Variants in SCML4 observed in about 807,000 individuals in gnomAD.
SCML4 encodes the protein sex comb on midleg-like protein 4.
SCML4 carries 34 observed loss-of-function variants against 41.1 expected under a neutral mutation model. The ratio of observed to expected loss-of-function variants is 0.83; its 90% CI spans 0.63 to 1.10. The LOEUF (loss-of-function observed/expected upper bound fraction) is 1.10, where lower values mean the gene tolerates loss of function less well. Among genes scored for constraint, SCML4 ranks in the 50% least tolerant of loss-of-function variants. SCML4 has a pLI of 0.00. For missense variants in SCML4, 522 were observed against 534.1 expected (o/e 0.98, Z 0.22); for synonymous variants, 214 against 220.9 (o/e 0.97, Z 0.28).
At chr6:107,747,497 CA>C (rs1462084960) in intron 3 of SCML4, among the ~76,000 whole-genome samples, 1 of 151,868 alleles carries the variant, frequency 6.6e-6, no homozygotes, top group African/African-American at 2.4e-5. Flanking sequence ...GCACCTGTCC[CA>C]AACCATGTTT....
chr6:107,713,835 T>C (rs1269715872), intron 6 of SCML4, among the ~76,000 whole-genome samples: 1 of 152,192 alleles, frequency 6.6e-6, no homozygotes, highest in Non-Finnish European at 1.5e-5. Flanking sequence ...TCCCACTAGA[T>C]GCATCCTTTC....
chr6:107,706,967 C>T (rs1773698441), intron 7 of SCML4, among the ~76,000 whole-genome samples: 1 of 152,056 alleles, frequency 6.6e-6, no homozygotes, highest in African/African-American at 2.4e-5. Context: ...GCTCCTGATC[C>T]CCAGAGTGGT....
chr6:107,746,394 A>G (rs1778094834), intron 4 of SCML4: 2 of 389,288 alleles, frequency 5.1e-6, no homozygotes, highest in African/African-American at 2.1e-5. Context: ...AGGATTCTGG[A>G]TATATTTTGA....
At chr6:107,840,565 A>G in the SCML4 span, among the ~76,000 whole-genome samples, 1 of 152,206 alleles carries the variant, frequency 6.6e-6, no homozygotes, top group Non-Finnish European at 1.5e-5. Context: ...CCAAATCTCT[A>G]GCCTCACGGA....
chr6:107,827,199 T>C (rs1453392591), upstream of SCML4, among the ~76,000 whole-genome samples: 2 of 147,554 alleles, frequency 1.4e-5, no homozygotes, highest in African/African-American at 2.4e-5. Context: ...TTAATAAATA[T>C]GTAAATATAT....
chr6:107,723,058 G>A (rs555321689), intron 5 of SCML4, among the ~76,000 whole-genome samples: 18 of 151,706 alleles, frequency 1.2e-4, no homozygotes, highest in Admixed American at 4.6e-4. Context: ...CAAATAAAAC[G>A]TAAAGAAGGA....
chr6:107,757,449 A>G (rs1779207829), intron 2 of SCML4, among the ~76,000 whole-genome samples: 3 of 152,180 alleles, frequency 2.0e-5, no homozygotes, highest in Admixed American at 2.0e-4. Context: ...TGGCTGGGGA[A>G]GGATGAGGAT....
At chr6:107,807,786 G>A (rs996671188) in intron 1 of SCML4, among the ~76,000 whole-genome samples, 7 of 152,184 alleles carry the variant, frequency 4.6e-5, no homozygotes, top group Non-Finnish European at 5.9e-5. Context: ...ACTCCCAGCC[G>A]AAGACAATCC....
At chr6:107,843,715 C>T in the SCML4 span, among the ~76,000 whole-genome samples, 1,899 of 152,218 alleles carry the variant, frequency 0.012, 51 homozygotes, top group African/African-American at 0.042. Context: ...TTCAACTTTG[C>T]GGGAGAAGGA....
At chr6:107,834,895 G>T in the SCML4 span, among the ~76,000 whole-genome samples, 1 of 150,776 alleles carries the variant, frequency 6.6e-6, no homozygotes, top group Non-Finnish European at 1.5e-5. Context: ...CTGTGAATAT[G>T]CCACTGCACT....
intron 1 of SCML4, among the ~76,000 whole-genome samples, chr6:107,786,883 G>C (rs948422763): frequency 1.3e-5 from 2 of 152,220 alleles, no homozygotes; most frequent in African/African-American, 2.4e-5. Flanking sequence ...ATGCTGCCAA[G>C]ATGGCTCTTC....
intron 2 of SCML4, among the ~76,000 whole-genome samples, chr6:107,761,257 T>C (rs1487085781): frequency 6.6e-6 from 1 of 152,100 alleles, no homozygotes; most frequent in Admixed American, 6.5e-5. Flanking sequence ...AAATCCTAAA[T>C]AGGATGAATA....
chr6:107,778,382 T>C (rs999252249), intron 1 of SCML4, among the ~76,000 whole-genome samples: 1 of 151,052 alleles, frequency 6.6e-6, no homozygotes, highest in Non-Finnish European at 1.5e-5. Context: ...TTGAAAGCCA[T>C]CTTGAAGCAC....
chr6:107,834,933 G>C, the SCML4 span, among the ~76,000 whole-genome samples: 1 of 91,276 alleles, frequency 1.1e-5, no homozygotes, highest in Admixed American at 1.3e-4. Context: ...GAGAGACCCT[G>C]TCTGAAAAAA....
the SCML4 span, among the ~76,000 whole-genome samples, chr6:107,830,978 T>A: frequency 1.3e-5 from 2 of 152,008 alleles, no homozygotes; most frequent in African/African-American, 4.8e-5. Flanking sequence ...CTGCCTGGAG[T>A]ACTGAGAAGC....
At chr6:107,806,117 C>G (rs1245648960) in intron 1 of SCML4, among the ~76,000 whole-genome samples, 1 of 152,178 alleles carries the variant, frequency 6.6e-6, no homozygotes, top group Non-Finnish European at 1.5e-5. Flanking sequence ...TTTTCCCACA[C>G]AACAAAGGTC....
upstream of SCML4, among the ~76,000 whole-genome samples, chr6:107,827,608 T>A (rs1029557834): frequency 2.6e-5 from 4 of 152,188 alleles, no homozygotes; most frequent in African/African-American, 9.7e-5. Context: ...TGAGCTAGCA[T>A]CTCTCTAAGT....
intron 5 of SCML4, among the ~76,000 whole-genome samples, chr6:107,742,487 AT>A (rs1297579431): frequency 1.3e-5 from 2 of 152,204 alleles, no homozygotes; most frequent in Non-Finnish European, 2.9e-5. Context: ...CCCAAGGCAT[AT>A]ATTATAATCA....
chr6:107,810,144 C>A (rs6933722), intron 1 of SCML4, among the ~76,000 whole-genome samples: 1 of 151,772 alleles, frequency 6.6e-6, no homozygotes, highest in Non-Finnish European at 1.5e-5. Flanking sequence ...ATCTTGGGAG[C>A]TGTGAAGAAG....
Sources: allele counts gnomAD v4.1 joint callset (sites outside exome capture counted in the v4.1 genomes callset), GRCh38; gene constraint gnomAD v4.1.1; transcripts MANE v1.5; gene names NCBI Gene and HGNC (gene_info 2026-07-23, HGNC 2026-07-21).